The following GALNT13 variants were observed in gnomAD, a reference collection of about 807,000 sequenced individuals.
GALNT13 encodes the protein polypeptide N-acetylgalactosaminyltransferase 13, also known as UDP-GalNAc:polypeptide N-acetylgalactosaminyltransferase 13.
Under a neutral mutation model 64.2 loss-of-function variants are expected in GALNT13, and 28 were observed. The observed-to-expected ratio is 0.44, with a 90% CI of 0.32 to 0.60. GALNT13 has a LOEUF of 0.60. Ranked by LOEUF, GALNT13 falls within the 20% of genes least tolerant of loss-of-function variation. The probability of loss-of-function intolerance (pLI) is 0.05; values close to 1 mark genes in which losing one functional copy is unlikely to be tolerated. For synonymous variants in GALNT13, 214 were observed against 224.6 expected (o/e 0.95, Z 0.42); for missense variants, 577 against 669.8 (o/e 0.86, Z 1.53).
intron 11 of GALNT13, among the ~76,000 whole-genome samples, chr2:154,432,667 C>T (rs1048117487): frequency 2.0e-5 from 3 of 152,048 alleles, no homozygotes; most frequent in African/African-American, 4.8e-5. Context: ...CCTTGGTGTC[C>T]CATGGCTTGT....
At chr2:154,214,248 G>C (rs549504985) in intron 4 of GALNT13, among the ~76,000 whole-genome samples, 1 of 152,158 alleles carries the variant, frequency 6.6e-6, no homozygotes, top group East Asian at 1.9e-4. Flanking sequence ...ATCAAATGCT[G>C]TCCAGTCTTC....
the GALNT13 span, among the ~76,000 whole-genome samples, chr2:153,708,338 G>C: frequency 6.6e-6 from 1 of 152,130 alleles, no homozygotes; most frequent in Non-Finnish European, 1.5e-5. Flanking sequence ...CTTCTGTGGA[G>C]TGTGTATGTG....
the GALNT13 span, among the ~76,000 whole-genome samples, chr2:153,661,097 G>A: frequency 6.6e-6 from 1 of 152,108 alleles, no homozygotes; most frequent in African/African-American, 2.4e-5. Context: ...AGTTACAGGT[G>A]AAAGAATTAT....
intron 1 of GALNT13, among the ~76,000 whole-genome samples, chr2:153,897,542 A>G (rs1008017343): frequency 6.6e-6 from 1 of 152,054 alleles, no homozygotes; most frequent in African/African-American, 2.4e-5. Flanking sequence ...CTCCACTACT[A>G]GTTACTATTT....
At chr2:153,408,709 C>T in the GALNT13 span, among the ~76,000 whole-genome samples, 1 of 151,026 alleles carries the variant, frequency 6.6e-6, no homozygotes, top group Non-Finnish European at 1.5e-5. Flanking sequence ...AAGATGAAGA[C>T]AAATGCTAGG....
chr2:154,157,976 C>T (rs578093449), intron 4 of GALNT13, among the ~76,000 whole-genome samples: 1 of 152,136 alleles, frequency 6.6e-6, no homozygotes, highest in Admixed American at 6.6e-5. Context: ...TTCACCCTAA[C>T]CCCAAGCGTA....
chr2:153,337,097 G>T, the GALNT13 span, among the ~76,000 whole-genome samples: 2 of 152,042 alleles, frequency 1.3e-5, no homozygotes, highest in African/African-American at 4.8e-5. Flanking sequence ...TTCCAGTCTT[G>T]GGTATGTCTT....
intron 12 of GALNT13, chr2:154,445,659 A>G: frequency 3.4e-6 from 1 of 291,336 alleles, no homozygotes; most frequent in Non-Finnish European, 6.4e-6. Flanking sequence ...TTTACAAATT[A>G]TGTACTATTT....
chr2:154,215,940 A>G (rs1417040411), intron 4 of GALNT13, among the ~76,000 whole-genome samples: 1 of 152,070 alleles, frequency 6.6e-6, no homozygotes, highest in African/African-American at 2.4e-5. Flanking sequence ...ACGAACTCTT[A>G]TACATTTTGT....
chr2:153,497,887 A>G, the GALNT13 span, among the ~76,000 whole-genome samples: 1 of 152,184 alleles, frequency 6.6e-6, no homozygotes, highest in African/African-American at 2.4e-5. Context: ...TTACTCATCA[A>G]TGCAAACATT....
chr2:153,170,690 A>T, the GALNT13 span, among the ~76,000 whole-genome samples: 1 of 152,238 alleles, frequency 6.6e-6, no homozygotes, highest in Non-Finnish European at 1.5e-5. Flanking sequence ...GTCATTAGCC[A>T]ACTGAAACAA....
At chr2:153,517,485 A>G in the GALNT13 span, among the ~76,000 whole-genome samples, 1 of 152,198 alleles carries the variant, frequency 6.6e-6, no homozygotes, top group African/African-American at 2.4e-5. Context: ...AATGTTCAGA[A>G]GAGAGAGGTT....
the GALNT13 span, among the ~76,000 whole-genome samples, chr2:153,473,565 C>T: frequency 6.6e-6 from 1 of 152,146 alleles, no homozygotes; most frequent in Admixed American, 6.5e-5. Flanking sequence ...AGCTATTGTG[C>T]ATAGGTCTAC....
At chr2:154,094,229 G>A (rs999811845) in intron 3 of GALNT13, among the ~76,000 whole-genome samples, 8 of 151,896 alleles carry the variant, frequency 5.3e-5, no homozygotes, top group African/African-American at 1.9e-4. Context: ...AGTTTCCAGG[G>A]TAGCAAAGTA....
chr2:153,988,591 T>G (rs1290026004), intron 3 of GALNT13, among the ~76,000 whole-genome samples: 10 of 151,940 alleles, frequency 6.6e-5, no homozygotes, highest in Non-Finnish European at 1.3e-4. Flanking sequence ...CATAGGTTGA[T>G]CATGGACCAT....
the GALNT13 span, chr2:153,357,128 T>C: frequency 6.6e-6 from 1 of 152,208 alleles, no homozygotes; most frequent in African/African-American, 2.4e-5. Context: ...AATTTTCAAT[T>C]AATTTGATTA....
chr2:153,584,842 T>TA, the GALNT13 span, among the ~76,000 whole-genome samples: 79 of 152,030 alleles, frequency 5.2e-4, 1 homozygote, highest in East Asian at 3.3e-3. Flanking sequence ...TATTTATAGC[T>TA]AAAAAAAATT....
At chr2:154,112,544 C>T (rs1703046055) in intron 3 of GALNT13, among the ~76,000 whole-genome samples, 1 of 152,224 alleles carries the variant, frequency 6.6e-6, no homozygotes, top group African/African-American at 2.4e-5. Flanking sequence ...ATTTTCCTAT[C>T]ATGCTTCTTC....
chr2:153,200,138 G>T, the GALNT13 span, among the ~76,000 whole-genome samples: 1 of 152,190 alleles, frequency 6.6e-6, no homozygotes, highest in African/African-American at 2.4e-5. Context: ...CTCGGCTTCT[G>T]AACCTCACCC....
Sources: gnomAD v4.1 joint callset for allele counts (sites outside exome capture counted in the v4.1 genomes callset) on GRCh38, gnomAD v4.1.1 for gene constraint, MANE v1.5 for transcripts, NCBI Gene and HGNC (gene_info 2026-07-23, HGNC 2026-07-21) for gene names.